The following CCDC171 variants were observed in gnomAD, a reference collection of about 807,000 sequenced individuals.
CCDC171 encodes coiled-coil domain containing 171.
Under a neutral mutation model 168.2 loss-of-function variants are expected in CCDC171, and 177 were observed. The observed-to-expected ratio is 1.05, with a 90% CI of 0.93 to 1.19. The LOEUF is 1.19. Among genes scored for constraint, CCDC171 ranks in the 50% most tolerant of loss-of-function variants. CCDC171 has a pLI of 0.00. For missense variants in CCDC171, 1,991 were observed against 1,539.0 expected (o/e 1.29, Z -4.91); for synonymous variants, 687 against 540.8 (o/e 1.27, Z -3.75).
intron 4 of CCDC171, among the ~76,000 whole-genome samples, chr9:15,584,336 CAA>C (rs1202865478): frequency 2.6e-5 from 4 of 152,138 alleles, no homozygotes; most frequent in East Asian, 1.9e-4. Context: ...CACAGGTTAA[CAA>C]GAGAAAACCA....
intron 11 of CCDC171, among the ~76,000 whole-genome samples, chr9:15,716,041 T>C (rs10962124): frequency 0.43 from 65,225 of 151,952 alleles, 14,599 homozygotes; most frequent in East Asian, 0.67. Context: ...CCCACATATT[T>C]GGGCACCCAG....
At chr9:15,736,732 C>G (rs7865193) in intron 16 of CCDC171, among the ~76,000 whole-genome samples, 143,534 of 152,032 alleles carry the variant, frequency 0.94, 67,807 homozygotes, top group East Asian at 1. Context: ...GTGGAGTGCA[C>G]TGCTGCAGTC....
intron 18 of CCDC171, among the ~76,000 whole-genome samples, chr9:15,765,808 G>T (rs560729944): frequency 1.3e-5 from 2 of 152,294 alleles, no homozygotes; most frequent in Non-Finnish European, 2.9e-5. Context: ...CAAGGAACTT[G>T]AAAGTATATG....
At chr9:15,910,033 T>G (rs1424025009) in intron 24 of CCDC171, among the ~76,000 whole-genome samples, 3 of 152,200 alleles carry the variant, frequency 2.0e-5, no homozygotes, top group Non-Finnish European at 4.4e-5. Context: ...AGCTCCCACT[T>G]ATAAGTGAGA....
chr9:15,926,692 A>G (rs1026074318), intron 25 of CCDC171, among the ~76,000 whole-genome samples: 12 of 151,620 alleles, frequency 7.9e-5, no homozygotes, highest in Non-Finnish European at 1.8e-4. Flanking sequence ...AAATTCCCAC[A>G]TTGTAGTGTT....
chr9:15,659,760 C>T (rs2048184974), intron 8 of CCDC171, among the ~76,000 whole-genome samples: 1 of 152,114 alleles, frequency 6.6e-6, no homozygotes, highest in Non-Finnish European at 1.5e-5. Flanking sequence ...TTGCCAAAAT[C>T]AGTAAATGAA....
intron 3 of CCDC171, among the ~76,000 whole-genome samples, chr9:16,014,171 C>G (rs1832951418): frequency 6.6e-6 from 1 of 152,228 alleles, no homozygotes; most frequent in Non-Finnish European, 1.5e-5. Context: ...TATTCTAAAT[C>G]TTTTGTTTCA....
the CCDC171 span, among the ~76,000 whole-genome samples, chr9:16,094,351 C>G: frequency 6.6e-6 from 1 of 152,212 alleles, no homozygotes. Context: ...GAGTCTGTCT[C>G]AAAATGGTTC....
At chr9:15,572,543 A>C (rs1277112563) in intron 3 of CCDC171, among the ~76,000 whole-genome samples, 1 of 152,154 alleles carries the variant, frequency 6.6e-6, no homozygotes, top group African/African-American at 2.4e-5. Context: ...AAAATTTGGA[A>C]AGTGCTTGTG....
intron 18 of CCDC171, among the ~76,000 whole-genome samples, chr9:15,762,906 T>C (rs368286209): frequency 3.7e-4 from 57 of 152,166 alleles, no homozygotes; most frequent in African/African-American, 1.3e-3. Flanking sequence ...TGCAAAGGAG[T>C]GTAGCTGAAC....
At chr9:16,075,205 C>T in the CCDC171 span, among the ~76,000 whole-genome samples, 1 of 152,166 alleles carries the variant, frequency 6.6e-6, no homozygotes, top group Admixed American at 6.5e-5. Context: ...TCTCTTCCTA[C>T]TTCTTTCTGT....
chr9:16,088,852 A>G, the CCDC171 span, among the ~76,000 whole-genome samples: 2 of 152,144 alleles, frequency 1.3e-5, no homozygotes, highest in Non-Finnish European at 2.9e-5. Flanking sequence ...CAGAATTAGA[A>G]TAAACTATTT....
intron 16 of CCDC171, among the ~76,000 whole-genome samples, chr9:15,733,322 G>C (rs1002391861): frequency 1.3e-5 from 2 of 151,814 alleles, no homozygotes; most frequent in Non-Finnish European, 1.5e-5. Context: ...ATTTTTTTAT[G>C]GGTTATACTT....
intron 6 of CCDC171, among the ~76,000 whole-genome samples, chr9:15,605,515 T>TG (rs370834580): frequency 4.0e-5 from 4 of 99,156 alleles, no homozygotes; most frequent in African/African-American, 1.6e-4. Context: ...CTGTCTCTAC[T>TG]AAAAAAAAAA....
chr9:15,877,065 G>A (rs2131276787), intron 24 of CCDC171, among the ~76,000 whole-genome samples: 1 of 152,250 alleles, frequency 6.6e-6, no homozygotes, highest in East Asian at 1.9e-4. Context: ...GATGAGTGGA[G>A]TACCTTTGTT....
At chr9:15,578,112 T>A (rs2040816879) in intron 3 of CCDC171, among the ~76,000 whole-genome samples, 1 of 152,198 alleles carries the variant, frequency 6.6e-6, no homozygotes, top group Admixed American at 6.5e-5. Context: ...TATACTTTGA[T>A]GCAATTTGTT....
At chr9:15,823,180 G>T (rs1014734729) in intron 21 of CCDC171, among the ~76,000 whole-genome samples, 1 of 151,708 alleles carries the variant, frequency 6.6e-6, no homozygotes, top group Non-Finnish European at 1.5e-5. Context: ...CACCGGGTTT[G>T]TTGTGGGGTG....
At chr9:15,848,079 G>A (rs866608246) in intron 22 of CCDC171, among the ~76,000 whole-genome samples, 6 of 151,912 alleles carry the variant, frequency 3.9e-5, no homozygotes, top group Non-Finnish European at 5.9e-5. Context: ...TTATAGCACT[G>A]AGAAAATTCT....
intron 25 of CCDC171, among the ~76,000 whole-genome samples, chr9:15,934,618 G>T (rs1237377618): frequency 6.6e-6 from 1 of 151,810 alleles, no homozygotes; most frequent in South Asian, 2.1e-4. Context: ...TAAACTTGGA[G>T]TTACCATATG....
Sources: allele counts gnomAD v4.1 joint callset (sites outside exome capture counted in the v4.1 genomes callset), GRCh38; gene constraint gnomAD v4.1.1; transcripts MANE v1.5; gene names NCBI Gene and HGNC (gene_info 2026-07-23, HGNC 2026-07-21).